PLCH1: variants seen among roughly 807,000 people sequenced by gnomAD.
PLCH1 encodes the protein phospholipase C eta 1, also known as 1-phosphatidylinositol 4,5-bisphosphate phosphodiesterase eta-1.
Under a neutral mutation model 126.7 loss-of-function variants are expected in PLCH1, and 60 were observed. The ratio of observed to expected loss-of-function variants is 0.47; its 90% CI spans 0.38 to 0.59. PLCH1 has a LOEUF of 0.59. Among genes scored for constraint, PLCH1 ranks in the 20% least tolerant of loss-of-function variants. The probability of loss-of-function intolerance (pLI) is 0.00; values close to 1 mark genes in which losing one functional copy is unlikely to be tolerated. For missense variants in PLCH1, 1,723 were observed against 2,040.0 expected (o/e 0.84, Z 2.99); for synonymous variants, 719 against 734.9 (o/e 0.98, Z 0.35).
intron 2 of PLCH1, among the ~76,000 whole-genome samples, chr3:155,611,168 T>C (rs1484004698): frequency 6.6e-6 from 1 of 152,078 alleles, no homozygotes; most frequent in Non-Finnish European, 1.5e-5. Context: ...GGGAGGCAGA[T>C]CACCTGAGGT....
intron 2 of PLCH1, among the ~76,000 whole-genome samples, chr3:155,647,698 A>G (rs1577233906): frequency 1.3e-5 from 2 of 152,316 alleles, no homozygotes; most frequent in East Asian, 3.9e-4. Context: ...GACTTTTTCA[A>G]AAGTCTTTAA....
intron 2 of PLCH1, among the ~76,000 whole-genome samples, chr3:155,629,612 A>G (rs1737781321): frequency 6.6e-6 from 1 of 152,180 alleles, no homozygotes; most frequent in African/African-American, 2.4e-5. Flanking sequence ...TCCATTTGCA[A>G]TAACCCACAT....
At chr3:155,615,964 T>TTTAAA in intron 2 of PLCH1, among the ~76,000 whole-genome samples, 3 of 152,320 alleles carry the variant, frequency 2.0e-5, no homozygotes, top group Admixed American at 2.0e-4. Context: ...AAGATACTAC[T>TTTAAA]GTCCTTACTA....
rs76407786 is a variant in PLCH1, at chr3:155,524,495, C to T, written c.1363-491G>A. Among the ~76,000 whole-genome samples, 913 of 152,072 alleles carry T rather than the reference C, an allele frequency of 6.0e-3. 12 individuals carry two copies. The highest frequency in any genetic ancestry group is 0.021 in the African/African-American group (891 of 41,482). Reference sequence around the variant, plus strand: ...ATTTTAGGTCACATGTATTTTACTACAATTAAAAATCATTTTTGAAAAGTA... The same window carrying T: ...ATTTTAGGTCACATGTATTTTACTATAATTAAAAATCATTTTTGAAAAGTA... On this transcript the variant is annotated intron_variant, in intron 10 of 22. Coordinates refer to ENST00000460012, the MANE Select transcript of PLCH1 (RefSeq NM_014996.4).
intron 14 of PLCH1, among the ~76,000 whole-genome samples, 200 bp from the exon 15 acceptor site, chr3:155,497,617 C>T (rs560816283): frequency 1.8e-4 from 28 of 152,308 alleles, no homozygotes; most frequent in African/African-American, 6.3e-4. Flanking sequence ...CAGTAGTCCC[C>T]CCTTATCCTC....
rs557369057 is a variant in PLCH1 at position 155,737,231 on chromosome 3, C to CAAAAAAAAAAAAAAAAA, written c.-41+7592_-41+7608dup. 2.9e-3 allele frequency among the ~76,000 whole-genome samples: 171 copies of CAAAAAAAAAAAAAAAAA among 59,528 alleles called. 11 individuals carry two copies. The highest frequency in any genetic ancestry group is 9.2e-3 in the African/African-American group (161 of 17,442). The allele number at this position is 59,528 out of a possible 152,430, so 39.1% of individuals were successfully genotyped here. On this transcript the variant is annotated intron_variant, in intron 1 of 22. Coordinates refer to ENST00000460012, the MANE Select transcript of PLCH1 (RefSeq NM_014996.4). The stretch of plus-strand genomic sequence containing the variant: ...TGGGTGACAGAGCAAGCCTCCGTCT[C>CAAAAAAAAAAAAAAAAA]AAAAAAAAAAAAAAAAAAGAGTATA...
chr3:155,534,373 A>G (rs1723074963), intron 10 of PLCH1, among the ~76,000 whole-genome samples: 1 of 152,118 alleles, frequency 6.6e-6, no homozygotes, highest in Admixed American at 6.5e-5. Flanking sequence ...TGGAGCCTGT[A>G]TCTCCTTTGT....
At position 155,541,467 on chromosome 3, in the gene PLCH1, C is replaced by T. The variant is rs1724219292; in HGVS notation, c.1362+8320G>A. ...TTGGAGGCCATTGTAGGGTTATCAA[C>T]TGGCTTAATTTCCATACTGTTATGT... On this transcript the variant is annotated intron_variant, in intron 10 of 22. Transcript: ENST00000460012. 2.0e-5 allele frequency among the ~76,000 whole-genome samples: 3 copies of T among 152,276 alleles called. No homozygotes were observed. The South Asian group carries it at 6.2e-4, about 32-fold the overall frequency.
chr3:155,603,849 G>A (rs890706939), intron 2 of PLCH1, among the ~76,000 whole-genome samples: 1 of 151,904 alleles, frequency 6.6e-6, no homozygotes, highest in African/African-American at 2.4e-5. Context: ...TGTAATCCCA[G>A]CACTTTAGAA....
chr3:155,679,087 C>T lies in PLCH1; in HGVS notation c.79+25059G>A, dbSNP rs540351429. Among the ~76,000 whole-genome samples, 34 of 152,288 alleles carry T rather than the reference C, an allele frequency of 2.2e-4. No individual in the cohort carries two copies. The South Asian group carries it at 2.3e-3, about 10-fold the overall frequency. ...AGAAAGATGTAAGCCCCAGCCTCTT[C>T]CTTGATTCACTGCCTGGCCTTGGGT... is the stretch of plus-strand genomic sequence containing the variant. On this transcript the variant is annotated intron_variant, in intron 2 of 22. Coordinates refer to ENST00000460012, the MANE Select transcript of PLCH1 (RefSeq NM_014996.4).
chr3:155,734,813 A>G (rs918546209), intron 1 of PLCH1, among the ~76,000 whole-genome samples: 2 of 149,340 alleles, frequency 1.3e-5, no homozygotes, highest in Non-Finnish European at 3.0e-5. Context: ...GGTTCACGCC[A>G]TTCTCCTGCC....
At position 155,596,319 on chromosome 3, in the gene PLCH1, T is replaced by C; in HGVS notation, c.139A>G (p.Thr47Ala). The change falls in exon 3 of 23, where the codon ACC (threonine) becomes GCC (alanine). Residue 47 changes from threonine (T) to alanine (A), a missense_variant. Around this residue, in one of 2 missense-constraint regions of PLCH1, gnomAD observed 776 missense variants for 1,062.9 expected, o/e 0.73. Transcript: ENST00000460012. ...TAAAAGAGGCGGACAAGCCCTTTGGTTCCACGTTTCAGCTTGATCATCTGT... is the reference window on the plus strand; with the variant it reads ...TAAAAGAGGCGGACAAGCCCTTTGGCTCCACGTTTCAGCTTGATCATCTGT... ...GTQMIKLKRG[T>A]KGLVRLFYLD... 4 of 1,613,550 alleles carry C rather than the reference T, an allele frequency of 2.5e-6. No homozygotes were observed. The highest frequency in any genetic ancestry group is 3.4e-6 in the Non-Finnish European group (4 of 1,179,508).
intron 11 of PLCH1, among the ~76,000 whole-genome samples, chr3:155,519,576 G>C (rs1720800686): frequency 6.6e-6 from 1 of 151,916 alleles, no homozygotes; most frequent in South Asian, 2.1e-4. Context: ...CTTCCAAACA[G>C]TGGGCTCTAC....
At chr3:155,636,481 C>T (rs911141290) in intron 2 of PLCH1, among the ~76,000 whole-genome samples, 2 of 152,136 alleles carry the variant, frequency 1.3e-5, no homozygotes, top group African/African-American at 4.8e-5. Flanking sequence ...GGCGCGGTGG[C>T]TCTCGCCTGT....
rs758114247 is a variant in PLCH1, at chr3:155,504,626, T to A, written c.1633A>T (p.Ser545Cys). Residue 545 changes from serine (S) to cysteine (C), a missense_variant and splice_region_variant, in exon 13 of 23, where the codon AGT becomes TGT. By Grantham distance (112) the Ser-to-Cys change is moderately radical (BLOSUM62 -1). Transcript: ENST00000460012. ...HEGLNAHLKQ[S>C]PDVKESGKKS... ...TTTCCACTTTCCTTTACATCTGGAC[T>A]CTGAATAAATAAAGGCATAATATAA... The A allele has an allele frequency of 1.3e-6, 2 of 1,588,662 alleles. No homozygotes were observed. The highest frequency in any genetic ancestry group is 2.7e-5 in the African/African-American group (2 of 74,452).
At position 155,482,639 on chromosome 3, in the gene PLCH1, G is replaced by T. The variant is rs371663567; in HGVS notation, c.3387C>A (p.Asn1129Lys). ...GGCCCTTACCCCTATTACCTTCCAG[G>T]TTCTTAATTTCTAGGTTGCTATGAG... is the stretch of plus-strand genomic sequence containing the variant. ...VLSHSNLEIKNLEGNRGKGRA... is the reference protein window; with the variant it reads ...VLSHSNLEIKKLEGNRGKGRA... Residue 1129 changes from asparagine (N) to lysine (K), a missense_variant, in exon 23 of 23, where the codon AAC (asparagine) becomes AAA (lysine). Asn to Lys is a moderately conservative substitution (Grantham distance 94). Coordinates refer to ENST00000460012, the MANE Select transcript of PLCH1 (RefSeq NM_014996.4). 5.7e-4 allele frequency: 915 copies of T among 1,614,112 alleles called. 16 individuals are homozygous for T. In the South Asian group the frequency reaches 7.2e-3, roughly 13 times the overall value.
intron 1 of PLCH1, among the ~76,000 whole-genome samples, chr3:155,720,757 T>G (rs933370461): frequency 1.3e-5 from 2 of 152,220 alleles, no homozygotes; most frequent in Non-Finnish European, 2.9e-5. Flanking sequence ...TTCTTTTTGT[T>G]GCATTTGCTT....
At chr3:155,521,978 AC>A (rs757691279) in intron 11 of PLCH1, among the ~76,000 whole-genome samples, 92 of 152,196 alleles carry the variant, frequency 6.0e-4, no homozygotes, top group South Asian at 1.9e-3. Flanking sequence ...GAAATCAACT[AC>A]TCTTAGTAAA....
chr3:155,542,322 G>A (rs1157949427), intron 10 of PLCH1, among the ~76,000 whole-genome samples: 7 of 152,224 alleles, frequency 4.6e-5, no homozygotes, highest in Non-Finnish European at 8.8e-5. Flanking sequence ...AGGCAGCAGC[G>A]AGGCTGGGGG....
Sources: allele counts gnomAD v4.1 joint callset (sites outside exome capture counted in the v4.1 genomes callset), GRCh38; gene constraint gnomAD v4.1.1; regional missense constraint gnomAD v4.1.1; transcripts MANE v1.5; gene names NCBI Gene and HGNC (gene_info 2026-07-23, HGNC 2026-07-21).